Variants in STX2 observed in about 807,000 individuals in gnomAD.
STX2 encodes the protein syntaxin 2, also known as syntaxin-2.
STX2 carries 27 observed loss-of-function variants against 40.6 expected under a neutral mutation model. The observed-to-expected ratio is 0.66, with a 90% CI of 0.49 to 0.92. The LOEUF (loss-of-function observed/expected upper bound fraction) is 0.92. Ranked by LOEUF, STX2 falls within the 40% of genes least tolerant of loss-of-function variation. The pLI is 0.00. For synonymous variants in STX2, 123 were observed against 119.1 expected (o/e 1.03, Z -0.22); for missense variants, 328 against 366.1 (o/e 0.90, Z 0.85).
intron 8 of STX2, among the ~76,000 whole-genome samples, chr12:130,800,316 T>C (rs1951178121): frequency 3.4e-5 from 5 of 149,250 alleles, no homozygotes; most frequent in Admixed American, 2.7e-4. Context: ...TTTTTTTTTT[T>C]TGGAGACAGG....
intron 1 of STX2, among the ~76,000 whole-genome samples, chr12:130,837,122 T>A (rs2136374531): frequency 6.9e-6 from 1 of 145,406 alleles, no homozygotes; most frequent in South Asian, 2.2e-4. Context: ...TTTTTTTTTT[T>A]TATGAGACAA....
intron 4 of STX2, chr12:130,810,690 G>T (rs1173792648): frequency 6.6e-6 from 1 of 152,250 alleles, no homozygotes; most frequent in Non-Finnish European, 1.5e-5. Context: ...GAAAACATCA[G>T]ATGTGTTTAA....
chr12:130,815,957 G>A (rs916129922), intron 3 of STX2, among the ~76,000 whole-genome samples: 7 of 152,134 alleles, frequency 4.6e-5, no homozygotes, highest in African/African-American at 1.7e-4. Context: ...AACACAAAAT[G>A]CCTTATAAAA....
At chr12:130,826,881 C>CA (rs1329166703) in intron 2 of STX2, among the ~76,000 whole-genome samples, 2 of 151,318 alleles carry the variant, frequency 1.3e-5, no homozygotes, top group Non-Finnish European at 2.9e-5. Flanking sequence ...TGGTGGCACA[C>CA]ACCTGTGGTC....
At chr12:130,814,600 G>A (rs1439053604) in intron 3 of STX2, among the ~76,000 whole-genome samples, 1 of 148,888 alleles carries the variant, frequency 6.7e-6, no homozygotes, top group African/African-American at 2.5e-5. Flanking sequence ...AGCAAAGAAA[G>A]GCATCAGCAA....
intron 10 of STX2, among the ~76,000 whole-genome samples, chr12:130,794,531 T>C (rs7957899): frequency 0.56 from 85,524 of 152,150 alleles, 26,441 homozygotes; most frequent in East Asian, 0.87. Flanking sequence ...GGTCTCGCTC[T>C]GTCACCCAGG....
chr12:130,795,292 G>A (rs761883769), intron 10 of STX2, among the ~76,000 whole-genome samples: 16 of 152,204 alleles, frequency 1.1e-4, no homozygotes, highest in Non-Finnish European at 1.8e-4. Flanking sequence ...AAAATGATGC[G>A]TTAGTGTATT....
At chr12:130,835,024 C>T (rs2136368642) in intron 1 of STX2, among the ~76,000 whole-genome samples, 1 of 152,350 alleles carries the variant, frequency 6.6e-6, no homozygotes, top group South Asian at 2.1e-4. Context: ...CACGGTGGCT[C>T]ACGCCTGAAA....
intron 1 of STX2, among the ~76,000 whole-genome samples, chr12:130,834,594 A>C (rs988253044): frequency 6.6e-6 from 1 of 152,226 alleles, no homozygotes; most frequent in Non-Finnish European, 1.5e-5. Flanking sequence ...ACCTCAAGTT[A>C]AAAACAAGAA....
At chr12:130,822,487 G>C (rs764910923) in intron 2 of STX2, among the ~76,000 whole-genome samples, 1 of 152,032 alleles carries the variant, frequency 6.6e-6, no homozygotes, top group Non-Finnish European at 1.5e-5. Context: ...TACAGCCAAG[G>C]CTTCATAATT....
At chr12:130,832,581 C>T (rs1443173294) in intron 1 of STX2, among the ~76,000 whole-genome samples, 1 of 152,190 alleles carries the variant, frequency 6.6e-6, no homozygotes, top group African/African-American at 2.4e-5. Context: ...CTACCAAGGG[C>T]CCACCACATG....
chr12:130,836,014 T>G (rs1387880362), intron 1 of STX2, among the ~76,000 whole-genome samples: 5 of 148,000 alleles, frequency 3.4e-5, no homozygotes, highest in African/African-American at 8.0e-5. Flanking sequence ...TAATCAGACA[T>G]TGTTGATGAG....
At chr12:130,826,382 G>A (rs751906446) in intron 2 of STX2, among the ~76,000 whole-genome samples, 42 of 152,168 alleles carry the variant, frequency 2.8e-4, no homozygotes, top group Non-Finnish European at 5.7e-4. Flanking sequence ...AAGGGGCGCC[G>A]CAGGACCTCC....
Position 130,790,058 on chromosome 12 carries a change from G to A in STX2, c.*1965C>T, listed in dbSNP as rs1300813916. The A allele has an allele frequency of 6.6e-6, 1 of 152,178 alleles. No homozygotes were observed. The highest frequency in any genetic ancestry group is 2.4e-5 in the African/African-American group (1 of 41,444). The allele number at this position is 152,178 out of a possible 1,614,324, so 9.4% of individuals were successfully genotyped here. A position where few individuals can be genotyped will look rare whatever the true frequency, so the allele number is the denominator to read the frequency against. On this transcript the variant is annotated 3_prime_UTR_variant, in exon 11 of 11. Coordinates refer to ENST00000392373, the MANE Select transcript of STX2 (RefSeq NM_194356.4). Reference sequence around the variant, plus strand: ...TTCCACAGAGGCGTGGAGTCCTTTTGCCACCAGCATGATCCTGAAATATTG... The same window carrying A: ...TTCCACAGAGGCGTGGAGTCCTTTTACCACCAGCATGATCCTGAAATATTG...
chr12:130,818,185 A>AAAAAAATATATATATATATATATATAT, intron 3 of STX2, among the ~76,000 whole-genome samples: 1 of 70,588 alleles, frequency 1.4e-5, no homozygotes, highest in Non-Finnish European at 2.3e-5. Flanking sequence ...AAAAAAAAAA[A>AAAAAAATATATATATATATATATATAT]ATATATATAT....
chr12:130,823,988 T>C (rs1425668040), intron 2 of STX2, among the ~76,000 whole-genome samples: 1 of 152,206 alleles, frequency 6.6e-6, no homozygotes, highest in Non-Finnish European at 1.5e-5. Flanking sequence ...ATCATCTTAG[T>C]ATTACTTTGA....
Position 130,833,334 on chromosome 12 carries a change from C to T in STX2, c.30+5736G>A, listed in dbSNP as rs532140624. Among the ~76,000 whole-genome samples, 6 of 151,858 alleles carry T rather than the reference C, an allele frequency of 4.0e-5. No homozygotes were observed. The South Asian group carries it at 6.3e-4, about 16-fold the overall frequency. On this transcript the variant is annotated intron_variant, in intron 1 of 10. Coordinates refer to ENST00000392373, the MANE Select transcript of STX2 (RefSeq NM_194356.4). Reference sequence around the variant, plus strand: ...AAGGACAGGAAGGACCTCAGTGGCTCGCTCCGTCCTAACTCCATCCCTCAT... The same window carrying T: ...AAGGACAGGAAGGACCTCAGTGGCTTGCTCCGTCCTAACTCCATCCCTCAT...
intron 4 of STX2, among the ~76,000 whole-genome samples, chr12:130,811,212 G>A (rs1951636643): frequency 6.6e-6 from 1 of 151,926 alleles, no homozygotes; most frequent in Non-Finnish European, 1.5e-5. Flanking sequence ...ACAAAAATTA[G>A]CCAGGCGTGG....
rs1399465026 is a variant in STX2, at chr12:130,821,763, T to C, written c.131A>G (p.Asp44Gly). ...HQVEEIRNSI[D>G]KITQYVEEVK... ...TTCTTCAACATATTGAGTTATTTTA[T>C]CAATACTGTTTCTAATCTCCTCCAC... The change falls in exon 3 of 11, where the codon GAT becomes GGT. Residue 44 changes from aspartate (D) to glycine (G), a missense_variant. Transcript: ENST00000392373. 6.2e-7 allele frequency: 1 copy of C among 1,612,974 alleles called. No individual in the cohort carries two copies. The highest frequency in any genetic ancestry group is 8.5e-7 in the Non-Finnish European group (1 of 1,178,936).
Sources: gnomAD v4.1 joint callset for allele counts (sites outside exome capture counted in the v4.1 genomes callset) on GRCh38, gnomAD v4.1.1 for gene constraint, MANE v1.5 for transcripts, NCBI Gene and HGNC (gene_info 2026-07-23, HGNC 2026-07-21) for gene names.